PRIM2: variants seen among roughly 807,000 people sequenced by gnomAD.
PRIM2 encodes DNA primase large subunit.
A neutral mutation model predicts 67.3 loss-of-function variants in PRIM2; 39 were observed. The observed-to-expected ratio is 0.58, with a 90% CI of 0.45 to 0.76. PRIM2 has a LOEUF of 0.76. PRIM2 is among the 30% of genes least tolerant of loss of function. The pLI is 0.00. For missense variants in PRIM2, 398 were observed against 598.7 expected (o/e 0.66, Z 3.50); for synonymous variants, 143 against 198.7 (o/e 0.72, Z 2.36).
At chr6:57,313,518 C>T (rs1394323527), upstream of PRIM2, among the ~76,000 whole-genome samples, 1 of 152,170 alleles carries the variant, frequency 6.6e-6, no homozygotes, top group Non-Finnish European at 1.5e-5. Context: ...TAAGAATGTG[C>T]TTTCTGTCAG....
chr6:57,257,570 C>T, the PRIM2 span, among the ~76,000 whole-genome samples: 1 of 152,242 alleles, frequency 6.6e-6, no homozygotes, highest in East Asian at 1.9e-4. Flanking sequence ...CGCGCCCAGA[C>T]TGTAGGCATT....
intron 7 of PRIM2, among the ~76,000 whole-genome samples, chr6:57,434,065 C>G (rs1771929218): frequency 6.6e-6 from 1 of 151,902 alleles, no homozygotes; most frequent in African/African-American, 2.4e-5. Context: ...GCTGGGATTA[C>G]AAGCGTGCGC....
intron 12 of PRIM2, among the ~76,000 whole-genome samples, chr6:57,631,313 G>C (rs1194668870): frequency 1.3e-5 from 2 of 152,096 alleles, no homozygotes; most frequent in East Asian, 3.8e-4. Flanking sequence ...CTTAATTCCA[G>C]CATTTTACTG....
chr6:57,359,693 A>G lies in PRIM2; in HGVS notation c.460-20208A>G, dbSNP rs550039286. On this transcript the variant is annotated intron_variant, in intron 5 of 13. Coordinates refer to ENST00000615550, the MANE Select transcript of PRIM2 (RefSeq NM_000947.5). ...AATACCTCAAAACAACTGTACTATG[A>G]TTTGGAAAGACTATATAAAATGTAA... Among the ~76,000 whole-genome samples, 342 of 152,346 alleles carry G rather than the reference A, an allele frequency of 2.2e-3. 4 individuals carry two copies. Among genetic ancestry groups the G allele is most frequent in the African/African-American group, 7.9e-3 (328 of 41,576 alleles).
At chr6:57,392,890 G>A (rs1770401327) in intron 7 of PRIM2, among the ~76,000 whole-genome samples, 1 of 151,704 alleles carries the variant, frequency 6.6e-6, no homozygotes, top group Admixed American at 6.6e-5. Context: ...GAGAACTTAC[G>A]ACGTTTGGTT....
the PRIM2 span, among the ~76,000 whole-genome samples, chr6:57,233,091 C>G: frequency 1.3e-5 from 2 of 152,166 alleles, no homozygotes; most frequent in East Asian, 3.8e-4. Context: ...CATGTACCCA[C>G]AGACATGTTG....
chr6:57,618,381 C>T (rs1182762652), intron 12 of PRIM2, among the ~76,000 whole-genome samples: 2 of 152,214 alleles, frequency 1.3e-5, no homozygotes, highest in Admixed American at 6.5e-5. Context: ...GACAGAGCAG[C>T]ATGTGGAGGC....
chr6:57,299,961 A>G, the PRIM2 span, among the ~76,000 whole-genome samples: 5 of 152,152 alleles, frequency 3.3e-5, no homozygotes, highest in African/African-American at 1.2e-4. Flanking sequence ...TGGCAAATCC[A>G]CAGAAGGATT....
intron 13 of PRIM2, among the ~76,000 whole-genome samples, chr6:57,642,387 TTAAAA>T (rs1273654994): frequency 2.7e-5 from 4 of 149,706 alleles, no homozygotes; most frequent in African/African-American, 9.8e-5. Context: ...AAAATATTAA[TTAAAA>T]TGAGGATTCA....
intron 7 of PRIM2, among the ~76,000 whole-genome samples, chr6:57,455,683 C>T (rs200653586): frequency 0.71 from 108,622 of 151,952 alleles, 39,107 homozygotes; most frequent in African/African-American, 0.81. Flanking sequence ...TATGTGTCTC[C>T]GCATGTGAGA....
At chr6:57,409,624 G>T (rs1771016682) in intron 7 of PRIM2, among the ~76,000 whole-genome samples, 1 of 152,154 alleles carries the variant, frequency 6.6e-6, no homozygotes, top group East Asian at 1.9e-4. Flanking sequence ...CTACCACCTT[G>T]CCAAAAGTTG....
intron 5 of PRIM2, among the ~76,000 whole-genome samples, chr6:57,378,040 T>A (rs1769828294): frequency 6.6e-6 from 1 of 151,890 alleles, no homozygotes; most frequent in Non-Finnish European, 1.5e-5. Flanking sequence ...AAACAGCACA[T>A]CAGAAAGCTT....
chr6:57,615,452 T>C (rs1487290696), intron 12 of PRIM2, among the ~76,000 whole-genome samples: 2 of 151,640 alleles, frequency 1.3e-5, no homozygotes, highest in Non-Finnish European at 2.9e-5. Flanking sequence ...TGAGAATATG[T>C]GTTCAGAATA....
intron 7 of PRIM2, among the ~76,000 whole-genome samples, chr6:57,472,290 C>T (rs1472797856): frequency 2.0e-5 from 3 of 151,146 alleles, no homozygotes; most frequent in Non-Finnish European, 4.4e-5. Context: ...ATTACCTGGG[C>T]GTGGTGGTGG....
At chr6:57,286,156 C>A in the PRIM2 span, among the ~76,000 whole-genome samples, 1 of 152,114 alleles carries the variant, frequency 6.6e-6, no homozygotes, top group Non-Finnish European at 1.5e-5. Flanking sequence ...TAGGAAGAAT[C>A]AATATTGTGA....
chr6:57,277,688 T>G, the PRIM2 span, among the ~76,000 whole-genome samples: 1 of 151,902 alleles, frequency 6.6e-6, no homozygotes, highest in Non-Finnish European at 1.5e-5. Flanking sequence ...TAGCATAGAT[T>G]AAAGATTCTG....
the PRIM2 span, among the ~76,000 whole-genome samples, chr6:57,274,876 A>C: frequency 6.6e-6 from 1 of 151,696 alleles, no homozygotes. Flanking sequence ...TCCCAGGTTC[A>C]AGTGATTCCC....
chr6:57,484,446 T>C (rs1338742281), intron 7 of PRIM2, among the ~76,000 whole-genome samples: 16 of 152,196 alleles, frequency 1.1e-4, no homozygotes, highest in Admixed American at 2.0e-4. Context: ...TTGCTTGGAC[T>C]GAGAAGAAAC....
intron 10 of PRIM2, among the ~76,000 whole-genome samples, chr6:57,595,454 A>G (rs1167118956): frequency 3.3e-5 from 5 of 151,992 alleles, no homozygotes; most frequent in Non-Finnish European, 5.9e-5. Context: ...TCTGACACTA[A>G]CTAGAGCTCG....
Sources: allele counts gnomAD v4.1 joint callset (sites outside exome capture counted in the v4.1 genomes callset), GRCh38; gene constraint gnomAD v4.1.1; transcripts MANE v1.5; gene names NCBI Gene and HGNC (gene_info 2026-07-23, HGNC 2026-07-21).